Variants in SLC38A9 observed in about 807,000 individuals in gnomAD.
SLC38A9 encodes the protein solute carrier family 38 member 9.
Under a neutral mutation model 62.3 loss-of-function variants are expected in SLC38A9, and 48 were observed. The ratio of observed to expected loss-of-function variants is 0.77; its 90% CI spans 0.61 to 0.98. SLC38A9 has a LOEUF of 0.98. SLC38A9 is among the 50% of genes least tolerant of loss of function. SLC38A9 has a pLI of 0.00. For synonymous variants in SLC38A9, 204 were observed against 227.7 expected, an observed-to-expected ratio of 0.90 and a Z score of 0.94; for missense variants, 541 against 679.8, an observed-to-expected ratio of 0.80 and a Z score of 2.27.
chr5:55,687,422 G>A (rs1156349425), intron 3 of SLC38A9, among the ~76,000 whole-genome samples: 8 of 58,906 alleles, frequency 1.4e-4, no homozygotes, highest in African/African-American at 6.8e-4. Flanking sequence ...ACGAGACTCC[G>A]TCTCAAAAAA....
intron 3 of SLC38A9, among the ~76,000 whole-genome samples, chr5:55,685,679 T>C (rs114758460): frequency 1.3e-5 from 2 of 152,284 alleles, no homozygotes; most frequent in African/African-American, 4.8e-5. Flanking sequence ...CCTATGTACA[T>C]AGGCAAACAT....
intron 3 of SLC38A9, among the ~76,000 whole-genome samples, chr5:55,687,086 T>G (rs1050219394): frequency 1.7e-5 from 2 of 120,262 alleles, no homozygotes; most frequent in African/African-American, 5.8e-5. Context: ...TTTTTTTTTT[T>G]TTTTGCTTAA....
intron 2 of SLC38A9, among the ~76,000 whole-genome samples, chr5:55,706,931 C>G (rs1179578058): frequency 1.3e-5 from 2 of 151,364 alleles, no homozygotes; most frequent in Non-Finnish European, 2.9e-5. Context: ...TTTCAGGTGA[C>G]AACAGATATG....
chr5:55,685,542 G>A (rs755528862), intron 3 of SLC38A9, among the ~76,000 whole-genome samples: 1 of 152,254 alleles, frequency 6.6e-6, no homozygotes, highest in Middle Eastern at 3.4e-3. Context: ...TAGATACCTA[G>A]AACTAGAATT....
intron 12 of SLC38A9, 24 bp downstream of exon 12, chr5:55,645,765 T>A (rs1427209426): frequency 6.6e-7 from 1 of 1,512,674 alleles, no homozygotes; most frequent in Non-Finnish European, 9.1e-7. Context: ...GATACAAAAG[T>A]CAATTCCAAA....
At position 55,645,792 on chromosome 5, in the gene SLC38A9, G is replaced by C; in HGVS notation, c.1164C>G (p.Asn388Lys). ...AATTCCAAAGATAATTACTCACATT[G>C]TTTTCTTGTTTCTTGTTGTTCTTCA... ...TLLKNNKKQE[N>K]NVRDLCIAYM... The change falls in exon 12 of 16, where the codon AAC (asparagine) becomes AAG (lysine). Residue 388 changes from asparagine to lysine, a missense_variant. Transcript: ENST00000396865. 6.3e-7 allele frequency: 1 copy of C among 1,593,884 alleles called. No homozygotes were observed. Among genetic ancestry groups the C allele is most frequent in the Non-Finnish European group, 8.6e-7 (1 of 1,166,324 alleles).
intron 12 of SLC38A9, among the ~76,000 whole-genome samples, chr5:55,638,834 A>C (rs1744905386): frequency 6.6e-6 from 1 of 152,228 alleles, no homozygotes; most frequent in South Asian, 2.1e-4. Flanking sequence ...AGGGTAATAC[A>C]ACTAAACACA....
chr5:55,669,091 C>T (rs538487933), intron 7 of SLC38A9, 137 bp downstream of exon 7: 41 of 526,236 alleles, frequency 7.8e-5, no homozygotes, highest in African/African-American at 4.9e-4. Flanking sequence ...TAGCTGAAAG[C>T]GATGAATTAC....
At chr5:55,640,527 A>G (rs907673993) in intron 12 of SLC38A9, among the ~76,000 whole-genome samples, 2 of 152,104 alleles carry the variant, frequency 1.3e-5, no homozygotes, top group Middle Eastern at 3.2e-3. Context: ...TGCATTAAGA[A>G]CGCCCATCTC....
chr5:55,633,072 G>A (rs1743780710), intron 14 of SLC38A9, among the ~76,000 whole-genome samples: 1 of 151,590 alleles, frequency 6.6e-6, no homozygotes, highest in Non-Finnish European at 1.5e-5. Flanking sequence ...CGTGATCTCA[G>A]CTCACTGCAG....
At chr5:55,691,256 T>C in intron 3 of SLC38A9, 1 of 1,273,960 alleles carries the variant, frequency 7.8e-7, no homozygotes, top group Non-Finnish European at 1.1e-6. Context: ...ACATATCCAA[T>C]TGTTTTCCAT....
At chr5:55,670,860 T>G (rs1338313701) in intron 4 of SLC38A9, among the ~76,000 whole-genome samples, 1 of 151,940 alleles carries the variant, frequency 6.6e-6, no homozygotes, top group East Asian at 1.9e-4. Context: ...ACTACTGATG[T>G]CAAGGCCTAA....
chr5:55,656,660 C>G (rs944308689), intron 9 of SLC38A9, 55 bp downstream of exon 9: 3 of 1,218,722 alleles, frequency 2.5e-6, no homozygotes, highest in Non-Finnish European at 3.6e-6. Flanking sequence ...TACCTTAAAT[C>G]CTTTTTGGAG....
At chr5:55,652,764 A>AC (rs1747755771) in intron 9 of SLC38A9, 41 bp from the exon 10 acceptor site, 1 of 1,433,172 alleles carries the variant, frequency 7.0e-7, no homozygotes, top group South Asian at 1.4e-5. Context: ...ATGACAAAAA[A>AC]CAAAACAAAA....
At chr5:55,683,363 C>T (rs1032151497) in intron 3 of SLC38A9, among the ~76,000 whole-genome samples, 1 of 152,002 alleles carries the variant, frequency 6.6e-6, no homozygotes, top group African/African-American at 2.4e-5. Flanking sequence ...GCTGAGACTA[C>T]CAAGGTAATT....
chr5:55,684,570 C>A (rs1753483705), intron 3 of SLC38A9, among the ~76,000 whole-genome samples: 1 of 152,160 alleles, frequency 6.6e-6, no homozygotes, highest in Non-Finnish European at 1.5e-5. Flanking sequence ...TGAAGTCTCT[C>A]TTAGTGGGCC....
At chr5:55,705,439 C>CAAAAAAAAAAAAAA (rs67490309) in intron 2 of SLC38A9, among the ~76,000 whole-genome samples, 4 of 125,634 alleles carry the variant, frequency 3.2e-5, no homozygotes, top group Non-Finnish European at 3.3e-5. Context: ...CTTCATATTA[C>CAAAAAAAAAAAAAA]AAAAAAAAAA....
intron 2 of SLC38A9, among the ~76,000 whole-genome samples, chr5:55,710,067 C>CAAAAAAAAAAA (rs1174162436): frequency 3.2e-3 from 63 of 20,000 alleles, no homozygotes; most frequent in African/African-American, 4.9e-3. Flanking sequence ...GACTCCATCT[C>CAAAAAAAAAAA]AAAAAAAAAA....
At chr5:55,681,763 A>G (rs1286672370) in intron 3 of SLC38A9, among the ~76,000 whole-genome samples, 1 of 152,180 alleles carries the variant, frequency 6.6e-6, no homozygotes, top group Non-Finnish European at 1.5e-5. Context: ...CTGACATTAG[A>G]GTCCTTCTGT....
Sources: gnomAD v4.1 joint callset for allele counts (sites outside exome capture counted in the v4.1 genomes callset) on GRCh38, gnomAD v4.1.1 for gene constraint, MANE v1.5 for transcripts, NCBI Gene and HGNC (gene_info 2026-07-23, HGNC 2026-07-21) for gene names.